CCDC77: variants seen among roughly 807,000 people sequenced by gnomAD.
CCDC77 encodes coiled-coil domain-containing protein 77.
A neutral mutation model predicts 66.8 loss-of-function variants in CCDC77; 56 were observed. The ratio of observed to expected loss-of-function variants is 0.84; its 90% CI spans 0.68 to 1.05. The LOEUF (loss-of-function observed/expected upper bound fraction) is 1.05, where lower values mean the gene tolerates loss of function less well. Among genes scored for constraint, CCDC77 ranks in the 50% least tolerant of loss-of-function variants. CCDC77 has a pLI of 0.00. For missense variants in CCDC77, 570 were observed against 576.8 expected, an observed-to-expected ratio of 0.99 and a Z score of 0.12; for synonymous variants, 196 against 195.2, an observed-to-expected ratio of 1.00 and a Z score of -0.03.
chr12:413,102 C>A (rs1423285508), intron 4 of CCDC77, among the ~76,000 whole-genome samples: 1 of 150,962 alleles, frequency 6.6e-6, no homozygotes, highest in African/African-American at 2.4e-5. Flanking sequence ...CCATGCCTGG[C>A]TAATTTTTTG....
intron 4 of CCDC77, among the ~76,000 whole-genome samples, chr12:414,178 G>A (rs948201837): frequency 1.3e-5 from 2 of 149,268 alleles, no homozygotes; most frequent in African/African-American, 5.0e-5. Context: ...TGCAACCCCT[G>A]TCTCCCGGGT....
At chr12:436,414 C>T (rs913066793) in intron 9 of CCDC77, among the ~76,000 whole-genome samples, 5 of 151,810 alleles carry the variant, frequency 3.3e-5, no homozygotes, top group African/African-American at 1.2e-4. Context: ...TTAGTAGAGA[C>T]AGGGTTTCAC....
At chr12:429,752 C>G (rs1945614203) in intron 6 of CCDC77, among the ~76,000 whole-genome samples, 1 of 151,994 alleles carries the variant, frequency 6.6e-6, no homozygotes, top group Non-Finnish European at 1.5e-5. Flanking sequence ...AGCCACCACA[C>G]CCACCAAAGA....
intron 4 of CCDC77, among the ~76,000 whole-genome samples, chr12:414,947 A>G (rs568749486): frequency 5.9e-5 from 9 of 152,170 alleles, no homozygotes; most frequent in African/African-American, 2.2e-4. Context: ...GTACTGAAAT[A>G]TTTGTACTTG....
At chr12:428,510 CAAAAAAAAAA>C (rs59414510) in intron 5 of CCDC77, among the ~76,000 whole-genome samples, 9 of 57,856 alleles carry the variant, frequency 1.6e-4, no homozygotes, top group African/African-American at 5.8e-4. Flanking sequence ...GACTCTGTCT[CAAAAAAAAAA>C]AAAAAAAAAA....
intron 9 of CCDC77, among the ~76,000 whole-genome samples, chr12:434,651 C>T (rs1211965616): frequency 6.6e-6 from 1 of 152,196 alleles, no homozygotes; most frequent in Non-Finnish European, 1.5e-5. Context: ...CACGCCTGGC[C>T]TACCTCTTAA....
intron 1 of CCDC77, among the ~76,000 whole-genome samples, chr12:392,746 CA>C (rs753652065): frequency 2.3e-4 from 33 of 143,386 alleles, no homozygotes; most frequent in Non-Finnish European, 2.2e-4. Context: ...CTCTGTCTCA[CA>C]AAAAAAAAAA....
At chr12:437,673 C>T (rs939232802) in intron 9 of CCDC77, among the ~76,000 whole-genome samples, 3 of 151,614 alleles carry the variant, frequency 2.0e-5, no homozygotes, top group Non-Finnish European at 2.9e-5. Flanking sequence ...AGCAAGACCC[C>T]ATCTCCACAC....
At chr12:411,243 G>A (rs985525834) in intron 3 of CCDC77, among the ~76,000 whole-genome samples, 7 of 151,380 alleles carry the variant, frequency 4.6e-5, no homozygotes, top group South Asian at 4.2e-4. Flanking sequence ...GCATGATCTC[G>A]ACTCACTGCA....
chr12:398,544 A>G (rs1290966047), upstream of CCDC77, among the ~76,000 whole-genome samples: 3 of 151,114 alleles, frequency 2.0e-5, no homozygotes, highest in Middle Eastern at 6.8e-3. Context: ...GGTTCAAGCG[A>G]TTCTCCTGCC....
At chr12:389,494 G>A (rs1002570197) in intron 1 of CCDC77, 23 of 330,136 alleles carry the variant, frequency 7.0e-5, no homozygotes, top group Non-Finnish European at 1.3e-4. Flanking sequence ...TTGGTAAGGG[G>A]TCGGGGAGGG....
chr12:426,338 G>A lies in CCDC77; in HGVS notation c.414-2431G>A, dbSNP rs192181729. Among the ~76,000 whole-genome samples the A allele has an allele frequency of 2.0e-4, 30 of 152,304 alleles. No individual in the cohort carries two copies. The East Asian group carries it at 3.5e-3, about 18-fold the overall frequency. On this transcript the variant is annotated intron_variant, in intron 5 of 12. Coordinates refer to ENST00000239830, the MANE Select transcript of CCDC77 (RefSeq NM_032358.4). ...CCACTTACCATGTGCCTGAGACTAA[G>A]TAATTCTCTTCTAGCAAAGGTGCTA...
At chr12:392,680 G>T (rs533892927) in intron 1 of CCDC77, among the ~76,000 whole-genome samples, 1 of 152,090 alleles carries the variant, frequency 6.6e-6, no homozygotes, top group Admixed American at 6.5e-5. Context: ...GGGTGGCGGA[G>T]GTTGCAGTGA....
At chr12:399,192 G>A (rs4482086), upstream of CCDC77, among the ~76,000 whole-genome samples, 111,069 of 151,162 alleles carry the variant, frequency 0.73, 40,950 homozygotes, top group East Asian at 0.83. Context: ...TTTTTTTGAG[G>A]CGGAGTTTCA....
chr12:412,452 C>T (rs1945131739), intron 4 of CCDC77, among the ~76,000 whole-genome samples: 1 of 152,204 alleles, frequency 6.6e-6, no homozygotes, highest in African/African-American at 2.4e-5. Flanking sequence ...ACGTGTTCTC[C>T]TATAGCAGGA....
intron 7 of CCDC77, among the ~76,000 whole-genome samples, chr12:431,444 G>T (rs1223549909): frequency 6.6e-6 from 1 of 152,090 alleles, no homozygotes; most frequent in East Asian, 1.9e-4. Flanking sequence ...CACTCAGGCT[G>T]GTTTTGAACT....
At chr12:417,726 C>A (rs1467918306) in intron 4 of CCDC77, among the ~76,000 whole-genome samples, 1 of 151,980 alleles carries the variant, frequency 6.6e-6, no homozygotes, top group African/African-American at 2.4e-5. Flanking sequence ...CCAGCCTGGC[C>A]AAAATGGTGA....
intron 5 of CCDC77, among the ~76,000 whole-genome samples, chr12:423,703 C>G (rs961506068): frequency 6.6e-6 from 1 of 151,736 alleles, no homozygotes; most frequent in Admixed American, 6.6e-5. Flanking sequence ...CCCCGTTTTG[C>G]CCAGGCTGGT....
chr12:428,874 T>C lies in CCDC77; in HGVS notation c.510+9T>C. On this transcript the variant is annotated intron_variant, in intron 6 of 12. Coordinates refer to ENST00000239830, the MANE Select transcript of CCDC77 (RefSeq NM_032358.4). ...AGGAGCCTCCTCACAAAGTAAGTAATCTTTGGTGTAGCATGGTGAGTGTGG... is the reference window on the plus strand; with the variant it reads ...AGGAGCCTCCTCACAAAGTAAGTAACCTTTGGTGTAGCATGGTGAGTGTGG... The C allele has an allele frequency of 1.9e-6, 3 of 1,571,378 alleles. No homozygotes were observed. Among genetic ancestry groups the C allele is most frequent in the Non-Finnish European group, 2.6e-6 (3 of 1,142,910 alleles).
Sources: gnomAD v4.1 joint callset for allele counts (sites outside exome capture counted in the v4.1 genomes callset) on GRCh38, gnomAD v4.1.1 for gene constraint, MANE v1.5 for transcripts, NCBI Gene and HGNC (gene_info 2026-07-23, HGNC 2026-07-21) for gene names.